The following GPC6 variants were observed in gnomAD, a reference collection of about 807,000 sequenced individuals.
GPC6 encodes glypican 6, also known as glypican-6.
GPC6 carries 14 observed loss-of-function variants against 55.2 expected under a neutral mutation model. The ratio of observed to expected loss-of-function variants is 0.25; its 90% CI spans 0.17 to 0.40. The LOEUF (loss-of-function observed/expected upper bound fraction) is 0.40, where lower values mean the gene tolerates loss of function less well. Ranked by LOEUF, GPC6 falls within the 10% of genes least tolerant of loss-of-function variation. The probability of loss-of-function intolerance (pLI) is 1.00; values close to 1 mark genes in which losing one functional copy is unlikely to be tolerated. For synonymous variants in GPC6, 278 were observed against 259.6 expected, an observed-to-expected ratio of 1.07 and a Z score of -0.68; for missense variants, 641 against 708.5, an observed-to-expected ratio of 0.90 and a Z score of 1.08.
At chr13:93,233,351 A>AT in intron 1 of GPC6, among the ~76,000 whole-genome samples, 1 of 142,470 alleles carries the variant, frequency 7.0e-6, no homozygotes, top group Admixed American at 7.1e-5. Context: ...AGCCAAAAAA[A>AT]AAAAAATCAA....
chr13:93,863,392 G>A (rs1888871986), intron 3 of GPC6, among the ~76,000 whole-genome samples: 1 of 151,620 alleles, frequency 6.6e-6, no homozygotes, highest in Non-Finnish European at 1.5e-5. Flanking sequence ...AATTTCTGTT[G>A]TAGACTATTT....
At chr13:93,218,114 C>CT in the GPC6 span, among the ~76,000 whole-genome samples, 965 of 144,852 alleles carry the variant, frequency 6.7e-3, 9 homozygotes, top group African/African-American at 0.012. Context: ...CTAGCTCAGA[C>CT]TTTTTTTTTT....
At chr13:93,597,941 C>T (rs919417051) in intron 2 of GPC6, among the ~76,000 whole-genome samples, 6 of 151,846 alleles carry the variant, frequency 4.0e-5, no homozygotes, top group Admixed American at 2.6e-4. Context: ...GTCAGGAGAT[C>T]GAGACCATCC....
chr13:93,976,381 TGAG>T (rs964244646), intron 3 of GPC6, among the ~76,000 whole-genome samples: 3 of 151,894 alleles, frequency 2.0e-5, no homozygotes, highest in African/African-American at 2.4e-5. Context: ...TTAATTCAAT[TGAG>T]GAGGTTTTGA....
chr13:93,550,636 T>A (rs1294466732), intron 2 of GPC6, among the ~76,000 whole-genome samples: 2 of 152,144 alleles, frequency 1.3e-5, no homozygotes, highest in Non-Finnish European at 2.9e-5. Flanking sequence ...TCATTTCTCA[T>A]CTATATACTG....
intron 3 of GPC6, among the ~76,000 whole-genome samples, chr13:93,961,025 A>G (rs1227636700): frequency 6.6e-6 from 1 of 152,008 alleles, no homozygotes; most frequent in African/African-American, 2.4e-5. Context: ...CGTGTTAGCC[A>G]GGATGGTCTG....
At chr13:93,865,668 A>G (rs1170845881) in intron 3 of GPC6, among the ~76,000 whole-genome samples, 1 of 151,756 alleles carries the variant, frequency 6.6e-6, no homozygotes. Flanking sequence ...ATCAAGGCAC[A>G]TGATAATAAA....
intron 2 of GPC6, among the ~76,000 whole-genome samples, chr13:93,722,362 G>C (rs1213957379): frequency 1.3e-5 from 2 of 151,618 alleles, no homozygotes; most frequent in Non-Finnish European, 2.9e-5. Context: ...ACCCAAACAA[G>C]AGTAATATGA....
intron 3 of GPC6, among the ~76,000 whole-genome samples, chr13:94,003,645 C>A (rs1403424377): frequency 1.3e-5 from 2 of 152,156 alleles, no homozygotes; most frequent in African/African-American, 2.4e-5. Flanking sequence ...TTTAAACTTT[C>A]TTGACACTCA....
intron 2 of GPC6, among the ~76,000 whole-genome samples, chr13:93,620,873 G>T (rs1452274593): frequency 1.3e-5 from 2 of 152,002 alleles, no homozygotes; most frequent in Admixed American, 1.3e-4. Flanking sequence ...CCACCAACGA[G>T]GCCACATCCT....
In GPC6 at chr13:94,406,432, T is replaced by C. The variant is rs1290405648; in HGVS notation, c.*3215T>C. ...GTTGGTACTTTGATTATAGCCATCG[T>C]AGAACATTAGCACTAGAAATCTGTC... On this transcript the variant is annotated 3_prime_UTR_variant, in exon 9 of 9. Transcript: ENST00000377047. 6.6e-6 allele frequency: 1 copy of C among 152,152 alleles called. No individual in the cohort carries two copies. Among genetic ancestry groups the C allele is most frequent in the East Asian group, 1.9e-4 (1 of 5,190 alleles). 9.4% of individuals were successfully genotyped at this position (152,152 alleles called of 1,614,324 possible).
intron 4 of GPC6, among the ~76,000 whole-genome samples, chr13:94,213,811 G>A (rs1316029390): frequency 1.3e-5 from 2 of 152,154 alleles, no homozygotes; most frequent in Non-Finnish European, 2.9e-5. Flanking sequence ...CAGAAGTAAA[G>A]AAATAGACTT....
intron 1 of GPC6, among the ~76,000 whole-genome samples, chr13:93,541,943 G>C (rs150214837): frequency 5.9e-5 from 9 of 151,976 alleles, no homozygotes; most frequent in African/African-American, 2.2e-4. Context: ...AGATGAGTAG[G>C]TTGCGAAAAT....
chr13:93,522,733 C>T (rs1881469295), intron 1 of GPC6, among the ~76,000 whole-genome samples: 1 of 151,898 alleles, frequency 6.6e-6, no homozygotes, highest in Non-Finnish European at 1.5e-5. Context: ...CTTCCCGCTG[C>T]TCTGCAGATA....
intron 4 of GPC6, among the ~76,000 whole-genome samples, chr13:94,239,910 G>C (rs1282199823): frequency 6.6e-6 from 1 of 152,064 alleles, no homozygotes; most frequent in Non-Finnish European, 1.5e-5. Context: ...TTGTGCAAAG[G>C]AGACTCCTGG....
intron 2 of GPC6, among the ~76,000 whole-genome samples, chr13:93,793,819 C>G (rs1165440836): frequency 6.6e-6 from 1 of 152,116 alleles, no homozygotes; most frequent in African/African-American, 2.4e-5. Context: ...TCACTCCTGT[C>G]TTTGTGATAT....
chr13:93,999,718 A>G (rs1324621066), intron 3 of GPC6, among the ~76,000 whole-genome samples: 3 of 152,092 alleles, frequency 2.0e-5, no homozygotes, highest in Non-Finnish European at 4.4e-5. Context: ...TATCTTGGCT[A>G]TTGCAAATAA....
intron 4 of GPC6, among the ~76,000 whole-genome samples, chr13:94,207,178 T>G (rs1390039256): frequency 6.6e-6 from 1 of 152,162 alleles, no homozygotes; most frequent in Non-Finnish European, 1.5e-5. Context: ...AGAGCCCTGG[T>G]GCTTACCCAT....
chr13:93,463,768 A>G (rs12583911), intron 1 of GPC6, among the ~76,000 whole-genome samples: 32,428 of 150,724 alleles, frequency 0.22, 3,591 homozygotes, highest in Middle Eastern at 0.28. Context: ...CTTTTTTCAT[A>G]CAAAGACAGT....
Sources: allele counts gnomAD v4.1 joint callset (sites outside exome capture counted in the v4.1 genomes callset), GRCh38; gene constraint gnomAD v4.1.1; transcripts MANE v1.5; gene names NCBI Gene and HGNC (gene_info 2026-07-23, HGNC 2026-07-21).